Variants in CERS3 observed in about 807,000 individuals in gnomAD.
The protein encoded by CERS3 is ceramide synthase 3.
In CERS3, 33 loss-of-function variants were observed where a neutral mutation model predicts 50.3. The ratio of observed to expected loss-of-function variants is 0.66; its 90% CI spans 0.50 to 0.88. The LOEUF is 0.88. Among genes scored for constraint, CERS3 ranks in the 40% least tolerant of loss-of-function variants. CERS3 has a pLI of 0.00. For synonymous variants in CERS3, 176 were observed against 155.2 expected (o/e 1.13, Z -0.99); for missense variants, 470 against 460.3 (o/e 1.02, Z -0.19).
intron 10 of CERS3, among the ~76,000 whole-genome samples, chr15:100,464,596 T>C (rs2034655516): frequency 6.6e-6 from 1 of 152,212 alleles, no homozygotes; most frequent in Admixed American, 6.5e-5. Flanking sequence ...TCAGAGGAAG[T>C]GGTTTGCCTG....
intron 11 of CERS3, among the ~76,000 whole-genome samples, chr15:100,445,676 C>T (rs1358504664): frequency 1.3e-5 from 2 of 152,160 alleles, no homozygotes; most frequent in Admixed American, 6.5e-5. Flanking sequence ...GCCCCTAATC[C>T]CACTCGAAGC....
intron 8 of CERS3, among the ~76,000 whole-genome samples, chr15:100,473,565 C>T (rs2035034537): frequency 6.6e-6 from 1 of 152,148 alleles, no homozygotes; most frequent in African/African-American, 2.4e-5. Flanking sequence ...AATCATTAGC[C>T]ATTGGGAGAA....
chr15:100,522,680 A>G (rs934424091), intron 1 of CERS3, among the ~76,000 whole-genome samples: 1 of 152,192 alleles, frequency 6.6e-6, no homozygotes. Context: ...TCCCATGACT[A>G]TATCACTATA....
At chr15:100,522,806 T>G (rs2036676020) in intron 1 of CERS3, among the ~76,000 whole-genome samples, 2 of 152,230 alleles carry the variant, frequency 1.3e-5, no homozygotes, top group South Asian at 4.1e-4. Flanking sequence ...GAACATGCTT[T>G]AGGTAAATAC....
At chr15:100,413,966 A>G (rs2031697376) in intron 11 of CERS3, among the ~76,000 whole-genome samples, 1 of 152,158 alleles carries the variant, frequency 6.6e-6, no homozygotes, top group South Asian at 2.1e-4. Context: ...CCTGCCAACC[A>G]GAAAAATACC....
At chr15:100,533,154 GGACAA>G (rs1391365428), upstream of CERS3, among the ~76,000 whole-genome samples, 1 of 152,188 alleles carries the variant, frequency 6.6e-6, no homozygotes, top group African/African-American at 2.4e-5. Flanking sequence ...TTAGTCGGGA[GGACAA>G]CTGCTTTCCT....
chr15:100,501,551 T>A, intron 3 of CERS3, 126 bp downstream of exon 3: 1 of 731,998 alleles, frequency 1.4e-6, no homozygotes, highest in East Asian at 2.7e-5. Context: ...CCCCAGAATC[T>A]GTGGCCCATT....
chr15:100,505,892 G>A (rs2036163342), intron 2 of CERS3, among the ~76,000 whole-genome samples: 1 of 152,168 alleles, frequency 6.6e-6, no homozygotes, highest in African/African-American at 2.4e-5. Flanking sequence ...GCATGCGCCT[G>A]TAATCTCAGT....
At chr15:100,539,808 C>G (rs1186141149) in intron 1 of CERS3, among the ~76,000 whole-genome samples, 2 of 152,134 alleles carry the variant, frequency 1.3e-5, no homozygotes, top group South Asian at 4.1e-4. Context: ...AATGCATTTC[C>G]CCTTATCAGT....
intron 11 of CERS3, among the ~76,000 whole-genome samples, chr15:100,438,611 T>A (rs890887361): frequency 3.6e-5 from 4 of 110,066 alleles, no homozygotes; most frequent in Non-Finnish European, 8.6e-5. Context: ...GTGAATTTGG[T>A]CTAGGCTTTG....
At chr15:100,445,666 G>T (rs1034525639) in intron 11 of CERS3, among the ~76,000 whole-genome samples, 1 of 151,922 alleles carries the variant, frequency 6.6e-6, no homozygotes, top group East Asian at 1.9e-4. Flanking sequence ...TTCCCACGCC[G>T]CCCCTAATCC....
intron 11 of CERS3, among the ~76,000 whole-genome samples, chr15:100,419,916 G>A (rs2032273525): frequency 6.7e-6 from 1 of 149,678 alleles, no homozygotes; most frequent in African/African-American, 2.5e-5. Flanking sequence ...CAGAATCTCT[G>A]GGACGCATTC....
chr15:100,423,086 TA>T (rs79815816), intron 11 of CERS3, among the ~76,000 whole-genome samples: 631 of 59,302 alleles, frequency 0.011, 6 homozygotes, highest in Non-Finnish European at 0.017. Flanking sequence ...TAAAGTATAA[TA>T]AAAAAAAAAT....
At chr15:100,498,853 T>A (rs181586107) in intron 3 of CERS3, among the ~76,000 whole-genome samples, 3 of 152,272 alleles carry the variant, frequency 2.0e-5, no homozygotes, top group Admixed American at 1.3e-4. Context: ...TCAGAGGCTC[T>A]GTGAGCAGAG....
At chr15:100,531,768 G>A (rs748198625), upstream of CERS3, among the ~76,000 whole-genome samples, 2 of 152,192 alleles carry the variant, frequency 1.3e-5, no homozygotes, top group Non-Finnish European at 2.9e-5. Flanking sequence ...AACGGAAGCA[G>A]TGAGTTGAGA....
chr15:100,443,873 T>TA (rs1044764898), intron 11 of CERS3, among the ~76,000 whole-genome samples: 8 of 152,198 alleles, frequency 5.3e-5, no homozygotes, highest in Non-Finnish European at 8.8e-5. Context: ...TTTGCCATCC[T>TA]AAAAAAACCA....
intron 11 of CERS3, among the ~76,000 whole-genome samples, chr15:100,436,942 CTT>C (rs755700746): frequency 1.5e-4 from 20 of 129,544 alleles, no homozygotes; most frequent in African/African-American, 4.3e-4. Flanking sequence ...TCTTTCCTGA[CTT>C]TTTTTTTTTT....
chr15:100,476,937 G>A (rs945582705), intron 7 of CERS3, among the ~76,000 whole-genome samples: 19 of 152,132 alleles, frequency 1.2e-4, no homozygotes, highest in African/African-American at 4.6e-4. Flanking sequence ...TAAGAAACCT[G>A]AGCCATCCTG....
intron 11 of CERS3, among the ~76,000 whole-genome samples, chr15:100,444,570 A>G (rs538517047): frequency 1.5e-3 from 233 of 152,178 alleles, no homozygotes; most frequent in Non-Finnish European, 2.2e-3. Context: ...GCCTCTTAGA[A>G]CCTCTCATTT....
Sources: gnomAD v4.1 joint callset for allele counts (sites outside exome capture counted in the v4.1 genomes callset) on GRCh38, gnomAD v4.1.1 for gene constraint, MANE v1.5 for transcripts, NCBI Gene and HGNC (gene_info 2026-07-23, HGNC 2026-07-21) for gene names.